AKAP6: variants seen among roughly 807,000 people sequenced by gnomAD.
AKAP6 encodes the protein A-kinase anchor protein 6.
AKAP6 carries 58 observed loss-of-function variants against 188.5 expected under a neutral mutation model. That is an observed-to-expected ratio of 0.31 (90% CI 0.25 to 0.38). The LOEUF (loss-of-function observed/expected upper bound fraction) is 0.38, where lower values mean the gene tolerates loss of function less well. AKAP6 is among the 10% of genes least tolerant of loss of function. The pLI, the probability that AKAP6 is intolerant of heterozygous loss-of-function variation, is 1.00. For synonymous variants in AKAP6, 989 were observed against 998.6 expected, an observed-to-expected ratio of 0.99 and a Z score of 0.18; for missense variants, 2,710 against 2,740.0, an observed-to-expected ratio of 0.99 and a Z score of 0.24.
At chr14:32,452,587 A>G (rs193226546) in intron 2 of AKAP6, among the ~76,000 whole-genome samples, 3 of 152,176 alleles carry the variant, frequency 2.0e-5, no homozygotes, top group South Asian at 2.1e-4. Context: ...GTGAGGGAGA[A>G]TTGCTTGAGG....
At chr14:32,415,866 T>C (rs944243568) in intron 1 of AKAP6, among the ~76,000 whole-genome samples, 6 of 152,230 alleles carry the variant, frequency 3.9e-5, no homozygotes, top group African/African-American at 1.4e-4. Flanking sequence ...TATCAGATTT[T>C]CCTTCCTTTT....
chr14:32,543,046 T>C (rs1883034098), intron 3 of AKAP6, among the ~76,000 whole-genome samples: 1 of 152,230 alleles, frequency 6.6e-6, no homozygotes, highest in Non-Finnish European at 1.5e-5. Flanking sequence ...GTCTTCATGT[T>C]GGGAACATTC....
At chr14:32,453,751 T>C (rs966329963) in intron 2 of AKAP6, among the ~76,000 whole-genome samples, 36 of 150,618 alleles carry the variant, frequency 2.4e-4, no homozygotes, top group Non-Finnish European at 4.6e-4. Flanking sequence ...CGCCCGCCAC[T>C]GCGCCCGGCT....
chr14:32,593,660 TAGAGA>T (rs1566594463), intron 5 of AKAP6, among the ~76,000 whole-genome samples: 1 of 152,192 alleles, frequency 6.6e-6, no homozygotes, highest in African/African-American at 2.4e-5. Context: ...CTGCCTGGCT[TAGAGA>T]AGATAAAACC....
chr14:32,712,571 T>C (rs2029946146), intron 9 of AKAP6, among the ~76,000 whole-genome samples: 1 of 152,092 alleles, frequency 6.6e-6, no homozygotes, highest in South Asian at 2.1e-4. Context: ...TTATGTAATA[T>C]TCTAAATCCT....
At chr14:32,806,140 C>T (rs551863442) in intron 12 of AKAP6, among the ~76,000 whole-genome samples, 1 of 152,252 alleles carries the variant, frequency 6.6e-6, no homozygotes, top group Non-Finnish European at 1.5e-5. Context: ...GAGTGCCTGC[C>T]ATATGCTCAG....
intron 1 of AKAP6, among the ~76,000 whole-genome samples, chr14:32,393,261 A>C (rs1233019861): frequency 2.0e-5 from 3 of 152,158 alleles, no homozygotes; most frequent in Non-Finnish European, 4.4e-5. Context: ...AATATCATTA[A>C]ATGACAGTCT....
At chr14:32,361,519 A>C (rs10151749) in intron 1 of AKAP6, among the ~76,000 whole-genome samples, 55,539 of 151,574 alleles carry the variant, frequency 0.37, 11,191 homozygotes, top group African/African-American at 0.55. Context: ...AATCAGGGGA[A>C]CATTAAAGGG....
At chr14:32,402,715 T>C (rs927573656) in intron 1 of AKAP6, among the ~76,000 whole-genome samples, 2 of 150,108 alleles carry the variant, frequency 1.3e-5, no homozygotes, top group African/African-American at 5.0e-5. Context: ...CAATAAATGT[T>C]GGTTGGTTGG....
intron 1 of AKAP6, among the ~76,000 whole-genome samples, chr14:32,406,417 C>T (rs1455266406): frequency 8.5e-5 from 13 of 152,096 alleles, no homozygotes; most frequent in African/African-American, 3.1e-4. Context: ...CCTATGTTGG[C>T]CAGGCTGGTC....
At chr14:32,808,336 T>C (rs17099544) in intron 12 of AKAP6, among the ~76,000 whole-genome samples, 4,454 of 152,302 alleles carry the variant, frequency 0.029, 207 homozygotes, top group African/African-American at 0.1. Context: ...TGCTATTTCC[T>C]GATGGAACTT....
intron 7 of AKAP6, among the ~76,000 whole-genome samples, chr14:32,673,521 G>A (rs539283171): frequency 6.6e-6 from 1 of 152,240 alleles, no homozygotes; most frequent in East Asian, 1.9e-4. Context: ...GATCATCTGA[G>A]CCCAGGAGTT....
intron 2 of AKAP6, among the ~76,000 whole-genome samples, chr14:32,486,959 T>C (rs1382838462): frequency 6.6e-6 from 1 of 152,230 alleles, no homozygotes; most frequent in African/African-American, 2.4e-5. Context: ...GGGTTCATCA[T>C]AAATAGTTCT....
chr14:32,790,189 A>T (rs778581981), intron 12 of AKAP6, among the ~76,000 whole-genome samples: 10 of 152,224 alleles, frequency 6.6e-5, no homozygotes, highest in Non-Finnish European at 1.5e-4. Context: ...ACAAAAAGGA[A>T]TGAACAAAAC....
At chr14:32,525,164 A>G (rs1419921464) in intron 2 of AKAP6, among the ~76,000 whole-genome samples, 1 of 152,188 alleles carries the variant, frequency 6.6e-6, no homozygotes, top group Non-Finnish European at 1.5e-5. Flanking sequence ...TAGAATACTG[A>G]ATGCAAGAAT....
intron 7 of AKAP6, among the ~76,000 whole-genome samples, chr14:32,646,945 T>C (rs1393297722): frequency 6.6e-6 from 1 of 152,138 alleles, no homozygotes; most frequent in African/African-American, 2.4e-5. Context: ...AAAATAAAGT[T>C]ACTAATCTTG....
intron 1 of AKAP6, among the ~76,000 whole-genome samples, chr14:32,415,420 G>A (rs1889625780): frequency 6.6e-6 from 1 of 151,992 alleles, no homozygotes; most frequent in African/African-American, 2.4e-5. Flanking sequence ...TAGTTTATAT[G>A]TTTTAGATCT....
At chr14:32,558,541 C>T (rs1003584093) in intron 4 of AKAP6, among the ~76,000 whole-genome samples, 8 of 152,168 alleles carry the variant, frequency 5.3e-5, no homozygotes, top group African/African-American at 1.9e-4. Flanking sequence ...GTGACAGGAA[C>T]TTGTGCATAT....
chr14:32,651,938 C>G (rs1888248778), intron 7 of AKAP6, among the ~76,000 whole-genome samples: 1 of 152,012 alleles, frequency 6.6e-6, no homozygotes, highest in Non-Finnish European at 1.5e-5. Context: ...TTTCCTGCCA[C>G]CCTTTGGCTG....
Sources: gnomAD v4.1 joint callset for allele counts (sites outside exome capture counted in the v4.1 genomes callset) on GRCh38, gnomAD v4.1.1 for gene constraint, MANE v1.5 for transcripts, NCBI Gene and HGNC (gene_info 2026-07-23, HGNC 2026-07-21) for gene names.